The following CNTNAP2 variants were observed in gnomAD, a reference collection of about 807,000 sequenced individuals.
CNTNAP2 encodes contactin associated protein 2.
In CNTNAP2, 98 loss-of-function variants were observed where a neutral mutation model predicts 155.2. That is an observed-to-expected ratio of 0.63 (90% confidence interval 0.54 to 0.75). CNTNAP2 has a LOEUF of 0.75. Among genes scored for constraint, CNTNAP2 ranks in the 30% least tolerant of loss-of-function variants. The pLI is 0.00. For synonymous variants in CNTNAP2, 651 were observed against 631.2 expected, an observed-to-expected ratio of 1.03 and a Z score of -0.47; for missense variants, 1,727 against 1,688.1, an observed-to-expected ratio of 1.02 and a Z score of -0.40.
chr7:146,402,998 G>C (rs1156265850), intron 1 of CNTNAP2, among the ~76,000 whole-genome samples: 2 of 151,538 alleles, frequency 1.3e-5, no homozygotes, highest in Non-Finnish European at 2.9e-5. Flanking sequence ...TAATGACCTA[G>C]TCACACACTC....
intron 1 of CNTNAP2, among the ~76,000 whole-genome samples, chr7:146,601,627 A>G (rs1389292148): frequency 6.6e-6 from 1 of 152,154 alleles, no homozygotes; most frequent in African/African-American, 2.4e-5. Context: ...AGTTTATATG[A>G]TAAAAGAAGT....
Position 148,221,272 on chromosome 7 carries a change from C to G in CNTNAP2, c.3247+3748C>G, listed in dbSNP as rs549357304. On this transcript the variant is annotated intron_variant, in intron 19 of 23. Coordinates refer to ENST00000361727, the MANE Select transcript of CNTNAP2 (RefSeq NM_014141.6). ...GCATTAATTCCCATGAGCTGCACAA[C>G]TCTATGAAGTAGATACTATTATTAT... Among the ~76,000 whole-genome samples the G allele has an allele frequency of 3.8e-4, 58 of 152,330 alleles. 1 individual carries two copies. The highest frequency in any genetic ancestry group is 7.7e-4 in the East Asian group (4 of 5,188).
chr7:148,298,519 A>G (rs907975607), intron 21 of CNTNAP2, among the ~76,000 whole-genome samples: 3 of 152,076 alleles, frequency 2.0e-5, no homozygotes, highest in African/African-American at 7.2e-5. Flanking sequence ...GTGCCCACCC[A>G]GATTGAGGGT....
chr7:146,932,654 C>T (rs368386374), intron 3 of CNTNAP2, among the ~76,000 whole-genome samples: 25 of 150,238 alleles, frequency 1.7e-4, no homozygotes, highest in African/African-American at 5.6e-4. Flanking sequence ...ATTGTCCCTG[C>T]TTGCAGATGA....
At chr7:146,398,830 A>T (rs2129107867) in intron 1 of CNTNAP2, among the ~76,000 whole-genome samples, 1 of 152,130 alleles carries the variant, frequency 6.6e-6, no homozygotes, top group East Asian at 1.9e-4. Flanking sequence ...AGAGGCTGGA[A>T]ATCAATATTT....
intron 17 of CNTNAP2, among the ~76,000 whole-genome samples, chr7:148,163,235 TG>T (rs1197316742): frequency 1.1e-4 from 17 of 152,212 alleles, no homozygotes; most frequent in Admixed American, 4.6e-4. Context: ...GGCTACTTAC[TG>T]GCTATATGAC....
intron 3 of CNTNAP2, among the ~76,000 whole-genome samples, chr7:146,892,418 G>A (rs1341989054): frequency 6.6e-6 from 1 of 152,146 alleles, no homozygotes; most frequent in Non-Finnish European, 1.5e-5. Context: ...TCAGTTTTAA[G>A]AGGCAGAGAC....
intron 8 of CNTNAP2, among the ~76,000 whole-genome samples, chr7:147,186,476 A>G (rs1802569405): frequency 6.6e-6 from 1 of 152,166 alleles, no homozygotes; most frequent in African/African-American, 2.4e-5. Context: ...ACAGTTCTTG[A>G]GAGACATAGC....
chr7:147,135,243 G>C (rs1801455197), intron 8 of CNTNAP2, among the ~76,000 whole-genome samples: 1 of 151,728 alleles, frequency 6.6e-6, no homozygotes, highest in African/African-American at 2.4e-5. Flanking sequence ...CAGTAGACTT[G>C]ACTTATGAAA....
At chr7:147,672,479 A>G (rs1314168566) in intron 13 of CNTNAP2, 1 of 152,202 alleles carries the variant, frequency 6.6e-6, no homozygotes, top group African/African-American at 2.4e-5. Flanking sequence ...ATGGCAGGGA[A>G]TTCTTTCAAA....
At chr7:146,681,359 G>C (rs1800498224) in intron 1 of CNTNAP2, among the ~76,000 whole-genome samples, 1 of 138,410 alleles carries the variant, frequency 7.2e-6, no homozygotes, top group Non-Finnish European at 1.5e-5. Context: ...GCAGTTATTT[G>C]GGGGTGTTTA....
chr7:147,326,112 G>A (rs1322925139), intron 9 of CNTNAP2, among the ~76,000 whole-genome samples: 2 of 152,150 alleles, frequency 1.3e-5, no homozygotes, highest in African/African-American at 4.8e-5. Flanking sequence ...TTTTAGTAGA[G>A]ATGGGGTTTC....
At chr7:147,387,895 C>A (rs143285336) in intron 9 of CNTNAP2, among the ~76,000 whole-genome samples, 1 of 152,290 alleles carries the variant, frequency 6.6e-6, no homozygotes, top group Non-Finnish European at 1.5e-5. Flanking sequence ...CTTATTTGAG[C>A]ACCTATTGAT....
intron 1 of CNTNAP2, among the ~76,000 whole-genome samples, chr7:146,540,263 C>T (rs1797930798): frequency 6.6e-6 from 1 of 151,970 alleles, no homozygotes; most frequent in South Asian, 2.1e-4. Flanking sequence ...AGAATGGTGT[C>T]CGTTTCAATG....
intron 3 of CNTNAP2, among the ~76,000 whole-genome samples, chr7:147,017,612 T>A (rs1798747303): frequency 6.6e-6 from 1 of 152,008 alleles, no homozygotes; most frequent in East Asian, 1.9e-4. Flanking sequence ...TAGGAAATAG[T>A]GAGTAAAGGA....
At chr7:146,847,539 G>T (rs144205779) in intron 3 of CNTNAP2, among the ~76,000 whole-genome samples, 209 of 152,214 alleles carry the variant, frequency 1.4e-3, no homozygotes, top group African/African-American at 4.7e-3. Flanking sequence ...AGCAATGTCT[G>T]GAACATATTA....
intron 8 of CNTNAP2, among the ~76,000 whole-genome samples, chr7:147,290,252 G>A (rs1438163435): frequency 6.6e-6 from 1 of 152,098 alleles, no homozygotes; most frequent in African/African-American, 2.4e-5. Flanking sequence ...ACTTATGCCT[G>A]AATCAAATTT....
rs58754339 is a variant in CNTNAP2 at position 147,016,194 on chromosome 7, GA to G, written c.403-27710del. On this transcript the variant is annotated intron_variant, in intron 3 of 23. Transcript: ENST00000361727. ...AATTTAGCTAGCTCTCACAAGTGAT[GA>G]AAGCGCGGAAGAACCAGTGAGCACT... is the stretch of plus-strand genomic sequence containing the variant. Among the ~76,000 whole-genome samples the G allele has an allele frequency of 2.1e-3, 318 of 151,938 alleles. 1 individual carries two copies. The highest frequency in any genetic ancestry group is 7.4e-3 in the African/African-American group (309 of 41,494).
At chr7:146,981,713 T>C (rs1363650530) in intron 3 of CNTNAP2, among the ~76,000 whole-genome samples, 1 of 152,196 alleles carries the variant, frequency 6.6e-6, no homozygotes, top group African/African-American at 2.4e-5. Flanking sequence ...AAGTGGAATA[T>C]TTTCATGAAT....
Sources: gnomAD v4.1 joint callset for allele counts (sites outside exome capture counted in the v4.1 genomes callset) on GRCh38, gnomAD v4.1.1 for gene constraint, MANE v1.5 for transcripts, NCBI Gene and HGNC (gene_info 2026-07-23, HGNC 2026-07-21) for gene names.